Variants in CLPB observed in about 807,000 individuals in gnomAD.
The protein encoded by CLPB is ClpB family mitochondrial disaggregase.
CLPB carries 40 observed loss-of-function variants against 78.4 expected under a neutral mutation model. The observed-to-expected ratio is 0.51, with a 90% CI of 0.40 to 0.66. The LOEUF is 0.66. Among genes scored for constraint, CLPB ranks in the 30% least tolerant of loss-of-function variants. CLPB has a pLI of 0.00. For synonymous variants in CLPB, 333 were observed against 348.0 expected (o/e 0.96, Z 0.48); for missense variants, 780 against 886.9 (o/e 0.88, Z 1.53).
At chr11:72,400,313 G>A (rs1224747197) in intron 3 of CLPB, among the ~76,000 whole-genome samples, 1 of 152,190 alleles carries the variant, frequency 6.6e-6, no homozygotes, top group African/African-American at 2.4e-5. Flanking sequence ...GATAGTGGAA[G>A]AGAAGGTCAC....
At chr11:72,340,951 C>T (rs746050499) in intron 5 of CLPB, among the ~76,000 whole-genome samples, 1 of 152,118 alleles carries the variant, frequency 6.6e-6, no homozygotes, top group Non-Finnish European at 1.5e-5. Flanking sequence ...CCTGGGTTCA[C>T]GCCATTCTCC....
At chr11:72,380,474 G>T in intron 3 of CLPB, 90 bp from the exon 4 acceptor site, 1 of 934,572 alleles carries the variant, frequency 1.1e-6, no homozygotes, top group Non-Finnish European at 1.7e-6. Context: ...GGGGACTGGA[G>T]CTGTCTCTGC....
intron 11 of CLPB, among the ~76,000 whole-genome samples, chr11:72,297,348 G>A (rs1008441023): frequency 2.0e-5 from 3 of 152,234 alleles, no homozygotes; most frequent in African/African-American, 4.8e-5. Context: ...TGCATCAACC[G>A]AGCTAGCTTA....
chr11:72,403,317 A>G (rs1044727749), intron 2 of CLPB, among the ~76,000 whole-genome samples: 1 of 152,170 alleles, frequency 6.6e-6, no homozygotes, highest in Non-Finnish European at 1.5e-5. Context: ...TCCTTCCCTT[A>G]AATCAGTCTG....
chr11:72,304,950 G>A (rs1042011135), intron 9 of CLPB, among the ~76,000 whole-genome samples: 41 of 152,182 alleles, frequency 2.7e-4, no homozygotes, highest in Non-Finnish European at 4.4e-5. Context: ...TTGAAGGCAG[G>A]TCTCAAACAT....
At chr11:72,398,905 C>T (rs1855485509) in intron 3 of CLPB, among the ~76,000 whole-genome samples, 2 of 152,234 alleles carry the variant, frequency 1.3e-5, no homozygotes, top group South Asian at 4.1e-4. Flanking sequence ...CATCACATTA[C>T]TCAAGTCCTG....
At chr11:72,420,848 T>C (rs1407454785) in intron 2 of CLPB, among the ~76,000 whole-genome samples, 1 of 152,044 alleles carries the variant, frequency 6.6e-6, no homozygotes, top group African/African-American at 2.4e-5. Context: ...GATATACAAA[T>C]GAAGGCCATT....
intron 3 of CLPB, among the ~76,000 whole-genome samples, chr11:72,395,519 C>G (rs548830215): frequency 6.6e-6 from 1 of 152,320 alleles, no homozygotes; most frequent in South Asian, 2.1e-4. Context: ...GAATAATAAT[C>G]CCTTCCTTTC....
At chr11:72,373,847 C>G (rs1590862886) in intron 4 of CLPB, among the ~76,000 whole-genome samples, 1 of 150,908 alleles carries the variant, frequency 6.6e-6, no homozygotes, top group Non-Finnish European at 1.5e-5. Flanking sequence ...GTAATCCCAG[C>G]TACTTGGGAG....
intron 4 of CLPB, chr11:72,363,372 C>T (rs1419844757): frequency 1.3e-5 from 2 of 152,168 alleles, no homozygotes; most frequent in Non-Finnish European, 2.9e-5. Context: ...ATTTACTGTT[C>T]ACTTCTGCAG....
At chr11:72,302,212 TG>T in intron 10 of CLPB, 91 bp downstream of exon 10, 1 of 1,349,524 alleles carries the variant, frequency 7.4e-7, no homozygotes, top group Non-Finnish European at 1.1e-6. Context: ...CCAAGGCTGC[TG>T]GAATTATCTG....
At chr11:72,406,840 T>C (rs1358889935) in intron 2 of CLPB, among the ~76,000 whole-genome samples, 2 of 152,164 alleles carry the variant, frequency 1.3e-5, no homozygotes, top group Admixed American at 6.5e-5. Context: ...AGGCAAGATC[T>C]ATCTCTTCTT....
In CLPB at chr11:72,358,904, T is replaced by C. The variant is rs754211386; in HGVS notation, c.751A>G (p.Thr251Ala). The change falls in exon 5 of 16, where the codon ACT (threonine) becomes GCT (alanine). Residue 251 changes from threonine (T) to alanine (A), a missense_variant. Physicochemically the swap from Thr to Ala is moderately conservative, Grantham distance 58. Coordinates refer to ENST00000538039, the MANE Select transcript of CLPB (RefSeq NM_001258392.3). ...HYAVLADDYR[T>A]VKELLDGGAN... ...CCTCCATCAAGCAGCTCCTTGACAG[T>C]GCGGTAGTCATCAGCAAGAACAGCA... 14 of 1,585,344 alleles carry C rather than the reference T, an allele frequency of 8.8e-6. No individual in the cohort carries two copies. The highest frequency in any genetic ancestry group is 1.4e-5 in the African/African-American group (1 of 72,432).
chr11:72,338,016 G>T (rs945685349), intron 5 of CLPB, among the ~76,000 whole-genome samples: 1 of 152,196 alleles, frequency 6.6e-6, no homozygotes, highest in Non-Finnish European at 1.5e-5. Flanking sequence ...CTTCAGGGAG[G>T]CAGATTTCTA....
At position 72,286,227 on chromosome 11, in the gene CLPB, T is replaced by TTTTTTTTTTTTTTTTG; in HGVS notation, c.*7139_*7140insCAAAAAAAAAAAAAAA. On this transcript the variant is annotated 3_prime_UTR_variant, in exon 16 of 16. Coordinates refer to ENST00000538039, the MANE Select transcript of CLPB (RefSeq NM_001258392.3). ...CAGGTGTGAGATACTGCACCTGTTT[T>TTTTTTTTTTTTTTTTG]TTTTTTTTTTTTTTTTTTTAAGAGA... 1 of 127,112 alleles carries TTTTTTTTTTTTTTTTG rather than the reference T, an allele frequency of 7.9e-6. No homozygotes were observed. Among genetic ancestry groups the TTTTTTTTTTTTTTTTG allele is most frequent in the African/African-American group, 3.4e-5 (1 of 29,202 alleles). 7.9% of individuals were successfully genotyped at this position (127,112 alleles called of 1,614,324 possible).
intron 2 of CLPB, among the ~76,000 whole-genome samples, chr11:72,418,943 T>C (rs1360455317): frequency 6.6e-6 from 1 of 151,958 alleles, no homozygotes; most frequent in African/African-American, 2.4e-5. Context: ...CTGATTGCCT[T>C]AGAAGGACTT....
intron 2 of CLPB, among the ~76,000 whole-genome samples, chr11:72,405,081 GAA>G (rs1009480030): frequency 1.3e-5 from 2 of 152,192 alleles, no homozygotes; most frequent in Admixed American, 1.3e-4. Context: ...CAAGAGGCTA[GAA>G]AATCAGGATA....
chr11:72,433,850 T>C (rs1458081357), intron 1 of CLPB, among the ~76,000 whole-genome samples: 6 of 152,112 alleles, frequency 3.9e-5, no homozygotes, highest in Non-Finnish European at 8.8e-5. Context: ...GATAAAATGA[T>C]GCCCAGAGAG....
At chr11:72,379,814 T>C (rs957665007) in intron 4 of CLPB, among the ~76,000 whole-genome samples, 4 of 152,136 alleles carry the variant, frequency 2.6e-5, no homozygotes, top group African/African-American at 9.7e-5. Flanking sequence ...GTAATAGTAT[T>C]TAGGGACTTC....
Sources: gnomAD v4.1 joint callset for allele counts (sites outside exome capture counted in the v4.1 genomes callset) on GRCh38, gnomAD v4.1.1 for gene constraint, MANE v1.5 for transcripts, NCBI Gene and HGNC (gene_info 2026-07-23, HGNC 2026-07-21) for gene names.